Variants in AGBL1 observed in about 807,000 individuals in gnomAD.
AGBL1 encodes the protein AGBL carboxypeptidase 1, also known as cytosolic carboxypeptidase 4.
Under a neutral mutation model 118.9 loss-of-function variants are expected in AGBL1, and 130 were observed. The ratio of observed to expected loss-of-function variants is 1.09; its 90% CI spans 0.95 to 1.26. The LOEUF (loss-of-function observed/expected upper bound fraction) is 1.26. Among genes scored for constraint, AGBL1 ranks in the 50% most tolerant of loss-of-function variants. The pLI is 0.00. For synonymous variants in AGBL1, 555 were observed against 478.9 expected (o/e 1.16, Z -2.08); for missense variants, 1,584 against 1,298.1 (o/e 1.22, Z -3.38).
At chr15:86,425,569 A>G (rs1350242908) in intron 18 of AGBL1, among the ~76,000 whole-genome samples, 1 of 152,174 alleles carries the variant, frequency 6.6e-6, no homozygotes, top group East Asian at 1.9e-4. Context: ...CCAGACTATT[A>G]ATAGAAATTG....
At chr15:86,589,993 G>T (rs1285056838) in intron 21 of AGBL1, among the ~76,000 whole-genome samples, 15 of 152,074 alleles carry the variant, frequency 9.9e-5, no homozygotes, top group South Asian at 2.1e-4. Flanking sequence ...CCCTCAGAGG[G>T]TTTGTTGAAC....
intron 18 of AGBL1, among the ~76,000 whole-genome samples, chr15:86,451,160 T>C (rs2082187633): frequency 6.6e-6 from 1 of 152,134 alleles, no homozygotes; most frequent in African/African-American, 2.4e-5. Context: ...CCTGAACTGG[T>C]TAGACACTTT....
At chr15:86,835,581 G>A (rs1383455544) in intron 22 of AGBL1, among the ~76,000 whole-genome samples, 4 of 152,088 alleles carry the variant, frequency 2.6e-5, no homozygotes, top group Non-Finnish European at 5.9e-5. Flanking sequence ...TTCAAAAAAA[G>A]GGAGGAGAGA....
intron 23 of AGBL1, among the ~76,000 whole-genome samples, chr15:86,976,224 A>G (rs10438426): frequency 0.1 from 14,954 of 150,248 alleles, 894 homozygotes; most frequent in East Asian, 0.26. Flanking sequence ...TTCTAGTAAT[A>G]TATATGCTTA....
intron 22 of AGBL1, among the ~76,000 whole-genome samples, chr15:86,890,238 TG>T (rs199699335): frequency 0.013 from 1,938 of 152,094 alleles, 37 homozygotes; most frequent in African/African-American, 0.042. Flanking sequence ...CACTTTTTAA[TG>T]TTTTTTTTCT....
chr15:86,965,248 A>G (rs963062449), intron 23 of AGBL1, among the ~76,000 whole-genome samples: 1 of 152,140 alleles, frequency 6.6e-6, no homozygotes, highest in African/African-American at 2.4e-5. Flanking sequence ...AGTCCCACCA[A>G]CAGTCTAAAA....
At chr15:86,446,322 T>G (rs961682965) in intron 18 of AGBL1, among the ~76,000 whole-genome samples, 9 of 152,212 alleles carry the variant, frequency 5.9e-5, no homozygotes, top group Non-Finnish European at 1.3e-4. Flanking sequence ...TCTGTTCTTT[T>G]CCCTCTCCAG....
At chr15:86,370,095 A>G (rs1322586086) in intron 17 of AGBL1, among the ~76,000 whole-genome samples, 1 of 152,178 alleles carries the variant, frequency 6.6e-6, no homozygotes, top group Non-Finnish European at 1.5e-5. Context: ...TCATTAAGAA[A>G]TCACCCTAGA....
rs754134809 is a variant in AGBL1 at position 86,143,840 on chromosome 15, T to C, written c.257T>C (p.Leu86Pro). ...TTCCGGCTGCTGGCCAAAGTTGGCC[T>C]AAGAGGTACTCGTACTCCAAGACCT... Reference protein sequence around the residue: ...PLFRLLAKVGLRDKKIGRKAL... With the variant: ...PLFRLLAKVGPRDKKIGRKAL... The change falls in exon 3 of 23, where the codon CTA becomes CCA. Residue 86 changes from leucine (L) to proline (P), a missense_variant. Transcript: ENST00000614907. The C allele has an allele frequency of 1.6e-5, 26 of 1,613,494 alleles. No individual in the cohort carries two copies. The highest frequency in any genetic ancestry group is 1.9e-5 in the Non-Finnish European group (23 of 1,179,688).
At position 86,343,304 on chromosome 15, in the gene AGBL1, T is replaced by C. The variant is rs563957244; in HGVS notation, c.2374+47896T>C. The stretch of plus-strand genomic sequence containing the variant: ...GTTTTTATTCTCCCAGCTTCCTCCT[T>C]GGCTATGAATCCCTCCCCTTAAGAG... On this transcript the variant is annotated intron_variant, in intron 17 of 22. Transcript: ENST00000614907. 3.9e-3 allele frequency among the ~76,000 whole-genome samples: 310 copies of C among 79,388 alleles called. 1 individual carries two copies. The highest frequency in any genetic ancestry group is 0.011 in the African/African-American group (303 of 28,220). The allele number at this position is 79,388 out of a possible 152,430, so 52.1% of individuals were successfully genotyped here.
chr15:86,436,892 T>G (rs1433829035), intron 18 of AGBL1, among the ~76,000 whole-genome samples: 1 of 152,116 alleles, frequency 6.6e-6, no homozygotes, highest in Non-Finnish European at 1.5e-5. Flanking sequence ...ATCACCAAAG[T>G]TGGGCCTTCT....
intron 22 of AGBL1, among the ~76,000 whole-genome samples, chr15:86,808,209 T>C (rs1233008224): frequency 6.6e-6 from 1 of 152,172 alleles, no homozygotes; most frequent in Non-Finnish European, 1.5e-5. Flanking sequence ...GGTTGACCCC[T>C]GGTATTCTCC....
intron 6 of AGBL1, among the ~76,000 whole-genome samples, chr15:86,229,049 T>TTTTATGC (rs1281605511): frequency 6.6e-6 from 1 of 152,210 alleles, no homozygotes; most frequent in Non-Finnish European, 1.5e-5. Flanking sequence ...AGTTTTGCCT[T>TTTTATGC]TTTATGCTTT....
chr15:86,306,362 A>T (rs887148323), intron 17 of AGBL1, among the ~76,000 whole-genome samples: 2 of 152,098 alleles, frequency 1.3e-5, no homozygotes, highest in African/African-American at 4.8e-5. Context: ...TATCTTCATG[A>T]GTTCAATTGA....
chr15:86,560,996 T>C (rs2083810562), intron 21 of AGBL1, among the ~76,000 whole-genome samples: 1 of 152,246 alleles, frequency 6.6e-6, no homozygotes, highest in Admixed American at 6.5e-5. Context: ...TGTTTTTTTC[T>C]TGTAAATTTG....
At chr15:86,162,390 T>C (rs1330593878) in intron 5 of AGBL1, among the ~76,000 whole-genome samples, 1 of 152,174 alleles carries the variant, frequency 6.6e-6, no homozygotes, top group Non-Finnish European at 1.5e-5. Flanking sequence ...TAAAATTAGA[T>C]GTGCAGCTGT....
At chr15:86,262,654 G>T in intron 9 of AGBL1, 124 bp from the exon 10 acceptor site, 1 of 718,084 alleles carries the variant, frequency 1.4e-6, no homozygotes. Flanking sequence ...ATGGGCCAGT[G>T]CTATAATTTG....
At chr15:86,824,154 T>A (rs1244405174) in intron 22 of AGBL1, among the ~76,000 whole-genome samples, 1 of 152,038 alleles carries the variant, frequency 6.6e-6, no homozygotes, top group Non-Finnish European at 1.5e-5. Flanking sequence ...TATTTGCACA[T>A]AAGATTGTCT....
intron 19 of AGBL1, among the ~76,000 whole-genome samples, chr15:86,523,787 T>G (rs77766270): frequency 6.6e-6 from 1 of 152,296 alleles, no homozygotes; most frequent in Non-Finnish European, 1.5e-5. Flanking sequence ...TACTATACAA[T>G]TGATTGAAAA....
Sources: gnomAD v4.1 joint callset for allele counts (sites outside exome capture counted in the v4.1 genomes callset) on GRCh38, gnomAD v4.1.1 for gene constraint, MANE v1.5 for transcripts, NCBI Gene and HGNC (gene_info 2026-07-23, HGNC 2026-07-21) for gene names.